RGPD2: variants seen among roughly 807,000 people sequenced by gnomAD.
RGPD2 encodes the protein RANBP2-like and GRIP domain-containing protein 2.
RGPD2 carries 2 observed loss-of-function variants against 36.0 expected under a neutral mutation model. The observed-to-expected ratio is 0.06, with a 90% CI of 0.02 to 0.17. The LOEUF (loss-of-function observed/expected upper bound fraction) is 0.17. Among genes scored for constraint, RGPD2 ranks in the 10% least tolerant of loss-of-function variants. RGPD2 has a pLI of 1.00. For synonymous variants in RGPD2, 19 were observed against 163.8 expected, an observed-to-expected ratio of 0.12 and a Z score of 6.75; for missense variants, 40 against 464.3, an observed-to-expected ratio of 0.09 and a Z score of 8.40.
the RGPD2 span, among the ~76,000 whole-genome samples, chr2:87,873,078 G>A: frequency 6.6e-6 from 1 of 152,246 alleles, no homozygotes; most frequent in African/African-American, 2.4e-5. Context: ...ACTTATAAGT[G>A]AGAACATGTG....
chr2:87,970,320 C>A, the RGPD2 span, among the ~76,000 whole-genome samples: 2 of 151,258 alleles, frequency 1.3e-5, no homozygotes, highest in East Asian at 3.9e-4. Flanking sequence ...TATACATACA[C>A]GTATATATAA....
At chr2:87,760,613 T>C (rs1314667576) in intron 22 of RGPD2, among the ~76,000 whole-genome samples, 1 of 13,584 alleles carries the variant, frequency 7.4e-5, no homozygotes, top group Non-Finnish European at 1.8e-4. Context: ...TTCTGTTTCT[T>C]TCTCTTTTTT....
chr2:87,938,294 G>A, the RGPD2 span, among the ~76,000 whole-genome samples: 9 of 151,836 alleles, frequency 5.9e-5, no homozygotes, highest in African/African-American at 2.2e-4. Flanking sequence ...TATGCACAGA[G>A]ATGTTAAGCT....
intron 17 of RGPD2, among the ~76,000 whole-genome samples, chr2:87,791,020 AT>A (rs1685694813): frequency 6.7e-6 from 1 of 149,384 alleles, no homozygotes; most frequent in Non-Finnish European, 1.5e-5. Context: ...CTAGCTATAC[AT>A]TTGAAACACA....
At chr2:87,766,668 CA>C (rs1438439546) in intron 22 of RGPD2, 7 of 149,092 alleles carry the variant, frequency 4.7e-5, no homozygotes, top group Admixed American at 2.7e-4. Flanking sequence ...GTGTTATTTA[CA>C]ATCTGCTGTG....
chr2:87,984,137 A>C, the RGPD2 span, among the ~76,000 whole-genome samples: 1 of 150,016 alleles, frequency 6.7e-6, no homozygotes, highest in Non-Finnish European at 1.5e-5. Context: ...ATTTGAAAAA[A>C]CCATTCCCAT....
the RGPD2 span, among the ~76,000 whole-genome samples, chr2:87,927,473 G>A: frequency 2.7e-5 from 4 of 148,078 alleles, no homozygotes; most frequent in Admixed American, 1.4e-4. Context: ...TTAAATAAAG[G>A]TGAAAGGAGT....
At chr2:87,985,806 T>C in the RGPD2 span, 1 of 1,611,210 alleles carries the variant, frequency 6.2e-7, no homozygotes, top group South Asian at 1.1e-5. Context: ...CCACTCTGAG[T>C]GATAACTGGG....
At chr2:87,844,380 C>G in the RGPD2 span, among the ~76,000 whole-genome samples, 1 of 151,086 alleles carries the variant, frequency 6.6e-6, no homozygotes, top group Non-Finnish European at 1.5e-5. Flanking sequence ...TTTAAAAGTA[C>G]CTTTTCTTAT....
chr2:87,884,448 C>A, the RGPD2 span, among the ~76,000 whole-genome samples: 1 of 151,416 alleles, frequency 6.6e-6, no homozygotes, highest in Non-Finnish European at 1.5e-5. Context: ...TAACAAAGGT[C>A]AGAGCAAAAA....
chr2:87,986,880 A>AAC, the RGPD2 span, among the ~76,000 whole-genome samples: 4 of 149,720 alleles, frequency 2.7e-5, no homozygotes, highest in South Asian at 8.5e-4. Context: ...AACTGTCTCA[A>AAC]AAAAAAAAAA....
intron 1 of RGPD2, among the ~76,000 whole-genome samples, chr2:87,822,242 G>A (rs1686403622): frequency 6.6e-6 from 1 of 151,870 alleles, no homozygotes; most frequent in Non-Finnish European, 1.5e-5. Flanking sequence ...AAACAAAAGA[G>A]GAGAATAAGA....
At chr2:87,867,297 C>T in the RGPD2 span, among the ~76,000 whole-genome samples, 3 of 151,940 alleles carry the variant, frequency 2.0e-5, no homozygotes, top group Admixed American at 1.3e-4. Context: ...AGGCCATGTT[C>T]CATGTCATAT....
chr2:87,771,997 GCCT>G (rs1685141392), intron 22 of RGPD2, among the ~76,000 whole-genome samples, 169 bp downstream of exon 22: 1 of 151,952 alleles, frequency 6.6e-6, no homozygotes, highest in South Asian at 2.1e-4. Context: ...TACTACAGTT[GCCT>G]CAAGATGTTA....
chr2:87,769,166 C>T (rs1200273146), intron 22 of RGPD2, among the ~76,000 whole-genome samples: 2 of 90,860 alleles, frequency 2.2e-5, no homozygotes, highest in African/African-American at 7.9e-5. Flanking sequence ...CGGGGTTTCA[C>T]CATGTTGGCC....
chr2:87,870,176 T>C, the RGPD2 span, among the ~76,000 whole-genome samples: 2 of 152,286 alleles, frequency 1.3e-5, no homozygotes, highest in African/African-American at 4.8e-5. Flanking sequence ...TTATGATGTG[T>C]TGACATCTTA....
At chr2:87,989,387 C>T in the RGPD2 span, among the ~76,000 whole-genome samples, 4 of 151,068 alleles carry the variant, frequency 2.6e-5, no homozygotes, top group East Asian at 7.8e-4. Flanking sequence ...AGTGTCTAAT[C>T]TTTATACAGT....
At chr2:87,972,114 T>A in the RGPD2 span, among the ~76,000 whole-genome samples, 1 of 152,004 alleles carries the variant, frequency 6.6e-6, no homozygotes, top group Non-Finnish European at 1.5e-5. Flanking sequence ...AAGAAATATA[T>A]CTACCAGAAA....
At chr2:87,973,359 G>A in the RGPD2 span, among the ~76,000 whole-genome samples, 232 of 123,646 alleles carry the variant, frequency 1.9e-3, 7 homozygotes, top group South Asian at 5.9e-3. Context: ...CAGTCAAGGA[G>A]GTGAGGGTTA....
Sources: gnomAD v4.1 joint callset for allele counts (sites outside exome capture counted in the v4.1 genomes callset) on GRCh38, gnomAD v4.1.1 for gene constraint, MANE v1.5 for transcripts, NCBI Gene and HGNC (gene_info 2026-07-23, HGNC 2026-07-21) for gene names.